Variants in SLC25A48 observed in about 807,000 individuals in gnomAD.
The protein encoded by SLC25A48 is solute carrier family 25 member 48.
A neutral mutation model predicts 32.2 loss-of-function variants in SLC25A48; 29 were observed. That is an observed-to-expected ratio of 0.90 (90% CI 0.67 to 1.23). SLC25A48 has a LOEUF of 1.23. Ranked by LOEUF, SLC25A48 falls within the 50% of genes most tolerant of loss-of-function variation. The pLI, the probability that SLC25A48 is intolerant of heterozygous loss-of-function variation, is 0.00. For synonymous variants in SLC25A48, 164 were observed against 172.3 expected (o/e 0.95, Z 0.38); for missense variants, 399 against 422.7 (o/e 0.94, Z 0.49).
upstream of SLC25A48, among the ~76,000 whole-genome samples, chr5:135,830,128 C>G (rs1561513949): frequency 6.6e-6 from 1 of 152,184 alleles, no homozygotes; most frequent in Non-Finnish European, 1.5e-5. Flanking sequence ...TCTGAGCCTC[C>G]TGGGCCAGCA....
intron 1 of SLC25A48, among the ~76,000 whole-genome samples, chr5:135,837,317 G>A (rs1758621641): frequency 6.6e-6 from 1 of 152,132 alleles, no homozygotes; most frequent in Admixed American, 6.5e-5. Flanking sequence ...TCTGGACCCA[G>A]GGAATCATTG....
chr5:135,852,196 G>C (rs1300137559), intron 3 of SLC25A48, among the ~76,000 whole-genome samples: 1 of 152,164 alleles, frequency 6.6e-6, no homozygotes. Flanking sequence ...ATATGAGGTG[G>C]GGGCGTGTGG....
chr5:135,659,253 CA>C (rs1753329500), intron 3 of SLC25A48, among the ~76,000 whole-genome samples: 1 of 121,212 alleles, frequency 8.3e-6, no homozygotes, highest in Admixed American at 8.5e-5. Context: ...TTTCTTCCAC[CA>C]GATACCATAA....
chr5:135,812,086 A>AAAT (rs1554077038), intron 3 of SLC25A48, among the ~76,000 whole-genome samples: 61 of 152,078 alleles, frequency 4.0e-4, no homozygotes, highest in South Asian at 6.2e-4. Context: ...TGTCTCAAAA[A>AAAT]AAATAAATAA....
chr5:135,718,450 C>G (rs1225089861), intron 3 of SLC25A48, among the ~76,000 whole-genome samples: 4 of 152,162 alleles, frequency 2.6e-5, no homozygotes, highest in Non-Finnish European at 5.9e-5. Flanking sequence ...TGAGGATCAC[C>G]TTGTTAATCT....
At chr5:135,600,745 C>T (rs1255974031) in intron 1 of SLC25A48, among the ~76,000 whole-genome samples, 1 of 151,832 alleles carries the variant, frequency 6.6e-6, no homozygotes, top group African/African-American at 2.4e-5. Context: ...TGCAGTGGTG[C>T]AATCTCGGCT....
At chr5:135,760,745 G>C (rs902151640) in intron 3 of SLC25A48, among the ~76,000 whole-genome samples, 3 of 152,130 alleles carry the variant, frequency 2.0e-5, no homozygotes, top group Non-Finnish European at 2.9e-5. Context: ...GCAAGGTGGG[G>C]CTTCTTGAAG....
intron 1 of SLC25A48, among the ~76,000 whole-genome samples, chr5:135,595,409 A>C (rs552281757): frequency 6.6e-6 from 1 of 152,328 alleles, no homozygotes; most frequent in Admixed American, 6.5e-5. Context: ...ATTGATGGAC[A>C]GGCACCGCCA....
At chr5:135,882,493 G>A (rs979292257) in intron 7 of SLC25A48, among the ~76,000 whole-genome samples, 8 of 152,066 alleles carry the variant, frequency 5.3e-5, no homozygotes, top group Non-Finnish European at 7.4e-5. Context: ...GGACCATCTC[G>A]AGAGTTCCTG....
intron 3 of SLC25A48, among the ~76,000 whole-genome samples, chr5:135,806,488 T>C (rs73789192): frequency 0.068 from 10,331 of 151,444 alleles, 838 homozygotes; most frequent in African/African-American, 0.2. Context: ...ATATCAAAGA[T>C]ATTTTATTAA....
In SLC25A48 at chr5:135,692,370, C is replaced by T. The variant is rs188973834; in HGVS notation, c.-521+57414C>T. Reference sequence around the variant, plus strand: ...TAGCTCGTGCTAGTTCTTTGTCTGGCAGTGGGATTCTTTTCGGATGAGCCA... The same window carrying T: ...TAGCTCGTGCTAGTTCTTTGTCTGGTAGTGGGATTCTTTTCGGATGAGCCA... On this transcript the variant is annotated intron_variant, in intron 3 of 10. Coordinates refer to the SLC25A48 transcript ENST00000646290. Among the ~76,000 whole-genome samples, 308 of 110,556 alleles carry T rather than the reference C, an allele frequency of 2.8e-3. 2 individuals are homozygous for T. Among genetic ancestry groups the T allele is most frequent in the Admixed American group, 6.3e-3 (69 of 10,970 alleles). The allele number at this position is 110,556 out of a possible 152,430, so 72.5% of individuals were successfully genotyped here. A position where few individuals can be genotyped will look rare whatever the true frequency, so the allele number is the denominator to read the frequency against.
In SLC25A48 at chr5:135,888,161, C is replaced by A; in HGVS notation, c.*137C>A. 7.0e-7 allele frequency: 1 copy of A among 1,423,134 alleles called. No individual in the cohort carries two copies. The highest frequency in any genetic ancestry group is 9.7e-7 in the Non-Finnish European group (1 of 1,034,972). 88.2% of individuals were successfully genotyped at this position (1,423,134 alleles called of 1,614,324 possible). A position where few individuals can be genotyped will look rare whatever the true frequency, so the allele number is the denominator to read the frequency against. ...TTAGCAAGCGTGGGCTAGGATGGTG[C>A]AGACACTGACGTGGCCCTTCTGATG... is the stretch of plus-strand genomic sequence containing the variant. On this transcript the variant is annotated 3_prime_UTR_variant, in exon 8 of 8. Coordinates refer to ENST00000681962, the MANE Select transcript of SLC25A48 (RefSeq NM_001349336.2).
At chr5:135,709,627 C>G (rs997441899) in intron 3 of SLC25A48, among the ~76,000 whole-genome samples, 1 of 152,216 alleles carries the variant, frequency 6.6e-6, no homozygotes, top group Non-Finnish European at 1.5e-5. Flanking sequence ...AGCATGGTGT[C>G]TAAAGGGCAG....
chr5:135,689,568 C>A (rs557282411), intron 3 of SLC25A48, among the ~76,000 whole-genome samples: 2 of 152,078 alleles, frequency 1.3e-5, no homozygotes, highest in Non-Finnish European at 2.9e-5. Flanking sequence ...ATAGAGGTGC[C>A]TTTTCAAAGA....
chr5:135,806,395 A>G (rs1279720437), intron 3 of SLC25A48, among the ~76,000 whole-genome samples: 1 of 151,478 alleles, frequency 6.6e-6, no homozygotes, highest in Non-Finnish European at 1.5e-5. Flanking sequence ...AATACTGAGT[A>G]TTAACATTTG....
chr5:135,815,093 A>G (rs1199852157), intron 4 of SLC25A48, among the ~76,000 whole-genome samples: 2 of 152,172 alleles, frequency 1.3e-5, no homozygotes. Context: ...CCTGCTATGG[A>G]GATCCTGGAA....
intron 1 of SLC25A48, among the ~76,000 whole-genome samples, chr5:135,612,458 C>T (rs907264487): frequency 1.1e-4 from 16 of 152,186 alleles, no homozygotes; most frequent in African/African-American, 3.9e-4. Context: ...TGCTACTGAA[C>T]ATTAGAACTT....
At chr5:135,809,992 T>A (rs181156103) in intron 3 of SLC25A48, among the ~76,000 whole-genome samples, 1 of 152,268 alleles carries the variant, frequency 6.6e-6, no homozygotes, top group African/African-American at 2.4e-5. Context: ...CGCAGGCCAC[T>A]GTGCCCAGCT....
At chr5:135,859,469 T>C (rs904299015) in intron 4 of SLC25A48, among the ~76,000 whole-genome samples, 3 of 152,124 alleles carry the variant, frequency 2.0e-5, no homozygotes, top group African/African-American at 7.2e-5. Flanking sequence ...AAGATGAGAT[T>C]TGGGTAGAGA....
Sources: allele counts gnomAD v4.1 joint callset (sites outside exome capture counted in the v4.1 genomes callset), GRCh38; gene constraint gnomAD v4.1.1; transcripts MANE v1.5; gene names NCBI Gene and HGNC (gene_info 2026-07-23, HGNC 2026-07-21).